FAM3D: variants seen among roughly 807,000 people sequenced by gnomAD.
The protein encoded by FAM3D is protein FAM3D.
FAM3D carries 26 observed loss-of-function variants against 29.8 expected under a neutral mutation model. That is an observed-to-expected ratio of 0.87 (90% CI 0.64 to 1.21). FAM3D has a LOEUF of 1.21. Among genes scored for constraint, FAM3D ranks in the 50% most tolerant of loss-of-function variants. The pLI is 0.00. For missense variants in FAM3D, 253 were observed against 290.9 expected, an observed-to-expected ratio of 0.87 and a Z score of 0.95; for synonymous variants, 115 against 102.3, an observed-to-expected ratio of 1.12 and a Z score of -0.75.
At chr3:58,640,241 G>T in intron 6 of FAM3D, 64 bp from the exon 7 acceptor site, 2 of 1,556,834 alleles carry the variant, frequency 1.3e-6, no homozygotes, top group South Asian at 2.2e-5. Context: ...TCGTTCTGCT[G>T]AAAATGCCTA....
In FAM3D at chr3:58,634,768, G is replaced by A. The variant is rs2066114677; in HGVS notation, c.586-400C>T. On this transcript the variant is annotated intron_variant, in intron 9 of 9. Transcript: ENST00000358781. The surrounding 1 kb of genome is among the most constrained non-coding windows in gnomAD (Gnocchi z 4.6). ...ATTTAATCTGCACAGTGGCCCTAGG[G>A]AGTGTGCACTGTTTACATCCCATTC... 6.6e-6 allele frequency among the ~76,000 whole-genome samples: 1 copy of A among 152,180 alleles called. No homozygotes were observed. The highest frequency in any genetic ancestry group is 2.1e-4 in the South Asian group (1 of 4,832).
intron 7 of FAM3D, among the ~76,000 whole-genome samples, chr3:58,638,076 G>T (rs550484618): frequency 6.6e-6 from 1 of 152,082 alleles, no homozygotes; most frequent in Non-Finnish European, 1.5e-5. Context: ...TAGAATTGGA[G>T]TTTCTCCATG....
At position 58,634,320 on chromosome 3, in the gene FAM3D, G is replaced by T. The variant is rs1341454808; in HGVS notation, c.634C>A (p.Leu212Met). ...DTNKYEGWPE[L>M]LEMEGCMPPK... ...GGCATGCAGCCCTCCATCTCCAGCA[G>T]CTCTGGCCATCCCTCGTATTTGTTT... Residue 212 changes from leucine (L) to methionine (M), a missense_variant, in exon 10 of 10, where the codon CTG becomes ATG. By Grantham distance (15) the Leu-to-Met change is conservative. Transcript: ENST00000358781. This position sits in a 1 kb window ranked among gnomAD's most constrained non-coding sequence, Gnocchi z 4.6. 6.2e-7 allele frequency: 1 copy of T among 1,614,082 alleles called. No homozygotes were observed. The highest frequency in any genetic ancestry group is 2.2e-5 in the East Asian group (1 of 44,882).
chr3:58,653,549 C>T (rs955487113), intron 3 of FAM3D, 125 bp downstream of exon 3: 1 of 911,840 alleles, frequency 1.1e-6, no homozygotes, highest in African/African-American at 1.6e-5. Flanking sequence ...CCTGCAATTG[C>T]TGGGGTCCCA....
rs933265518 is a variant in FAM3D at position 58,641,369 on chromosome 3, C to G, written c.323-1192G>C. 5.1e-4 allele frequency among the ~76,000 whole-genome samples: 74 copies of G among 144,880 alleles called. 1 individual carries two copies. The highest frequency in any genetic ancestry group is 1.7e-3 in the African/African-American group (68 of 39,634). On this transcript the variant is annotated intron_variant, in intron 6 of 9. Coordinates refer to ENST00000358781, the MANE Select transcript of FAM3D (RefSeq NM_138805.3). ...TGACCTTGGGCAAGTTGCTTAACCT[C>G]TTTTTTTTTTTTGGACAGGGTCTCT...
chr3:58,657,126 C>T (rs573613784), intron 1 of FAM3D, among the ~76,000 whole-genome samples: 110 of 152,176 alleles, frequency 7.2e-4, no homozygotes, highest in South Asian at 1.7e-3. Context: ...ATTATGATCA[C>T]GACTACGCTT....
At chr3:58,655,668 AG>A in intron 1 of FAM3D, 67 bp from the exon 2 acceptor site, 1 of 1,305,582 alleles carries the variant, frequency 7.7e-7, no homozygotes, top group Non-Finnish European at 1.1e-6. Context: ...CCTGAAGATG[AG>A]GGAAAGGGAC....
At chr3:58,645,666 A>T in intron 4 of FAM3D, 40 bp from the exon 5 acceptor site, 10 of 1,555,914 alleles carry the variant, frequency 6.4e-6, no homozygotes, top group Non-Finnish European at 8.9e-6. Context: ...GCAGAAGCTC[A>T]GGAGGTACTT....
chr3:58,641,392 T>A (rs2106756802), intron 6 of FAM3D, among the ~76,000 whole-genome samples: 1 of 151,838 alleles, frequency 6.6e-6, no homozygotes, highest in South Asian at 2.1e-4. Context: ...GGACAGGGTC[T>A]CTCTGCAGTC....
At chr3:58,636,222 G>T in intron 9 of FAM3D, 72 bp downstream of exon 9, 3 of 1,561,856 alleles carry the variant, frequency 1.9e-6, no homozygotes, top group Non-Finnish European at 2.6e-6. Flanking sequence ...GAGGTGAATG[G>T]GTGACTCCTT....
At chr3:58,660,285 C>T (rs1575493628) in intron 1 of FAM3D, among the ~76,000 whole-genome samples, 1 of 152,200 alleles carries the variant, frequency 6.6e-6, no homozygotes, top group East Asian at 1.9e-4. Context: ...TGCCCTGAAG[C>T]AGGGGGTGTG....
intron 3 of FAM3D, among the ~76,000 whole-genome samples, chr3:58,651,231 T>C (rs1279050780): frequency 6.6e-6 from 1 of 152,234 alleles, no homozygotes; most frequent in Non-Finnish European, 1.5e-5. Flanking sequence ...AAACCAATTA[T>C]ATATCAATAT....
chr3:58,640,036 C>G (rs1031384552), intron 7 of FAM3D, 91 bp downstream of exon 7: 1 of 1,420,184 alleles, frequency 7.0e-7, no homozygotes, highest in East Asian at 2.3e-5. Context: ...CACCAGGTAC[C>G]TCGAGCCACC....
Position 58,634,903 on chromosome 3 carries a change from C to T in FAM3D, c.586-535G>A, listed in dbSNP as rs147162137. 6.6e-6 allele frequency among the ~76,000 whole-genome samples: 1 copy of T among 152,194 alleles called. No homozygotes were observed. The highest frequency in any genetic ancestry group is 1.9e-4 in the East Asian group (1 of 5,170). Reference sequence around the variant, plus strand: ...AATACTAATAATAAGGGGTGGGGTGCAGTGGCTCACACCTATCATCCCAGC... The same window carrying T: ...AATACTAATAATAAGGGGTGGGGTGTAGTGGCTCACACCTATCATCCCAGC... On this transcript the variant is annotated intron_variant, in intron 9 of 9. Transcript: ENST00000358781. The surrounding 1 kb of genome is among the most constrained non-coding windows in gnomAD (Gnocchi z 4.6).
chr3:58,653,663 G>T lies in FAM3D; in HGVS notation c.121+11C>A. On this transcript the variant is annotated intron_variant, in intron 3 of 9. Coordinates refer to ENST00000358781, the MANE Select transcript of FAM3D (RefSeq NM_138805.3). ...CTGCAGTTCCTGCCCCCAGCAGTGA[G>T]CCCCACTCACCCAGCCAGCGTGGCA... 6.2e-7 allele frequency: 1 copy of T among 1,612,084 alleles called. No homozygotes were observed.
intron 4 of FAM3D, among the ~76,000 whole-genome samples, 166 bp from the exon 5 acceptor site, chr3:58,645,792 T>C (rs2066461812): frequency 6.6e-6 from 1 of 152,232 alleles, no homozygotes; most frequent in Non-Finnish European, 1.5e-5. Context: ...TGTGCCCTTC[T>C]GGGCTCCACA....
intron 7 of FAM3D, among the ~76,000 whole-genome samples, chr3:58,637,604 G>A (rs1020540467): frequency 1.3e-5 from 2 of 152,240 alleles, no homozygotes; most frequent in South Asian, 2.1e-4. Context: ...GCATACCCCA[G>A]ACCCCATTCT....
intron 1 of FAM3D, among the ~76,000 whole-genome samples, chr3:58,657,188 A>G (rs1238271784): frequency 6.6e-6 from 1 of 152,136 alleles, no homozygotes; most frequent in Non-Finnish European, 1.5e-5. Context: ...GACTCAAAAG[A>G]CACTCGGAGG....
chr3:58,644,071 G>A (rs1377030356), intron 5 of FAM3D, among the ~76,000 whole-genome samples: 2 of 152,200 alleles, frequency 1.3e-5, no homozygotes, highest in Non-Finnish European at 2.9e-5. Flanking sequence ...GGGTGTCTGA[G>A]TCCCCATGTG....
Sources: gnomAD v4.1 joint callset for allele counts (sites outside exome capture counted in the v4.1 genomes callset) on GRCh38, gnomAD v4.1.1 for gene constraint, Gnocchi (gnomAD v3.1) non-coding constraint, MANE v1.5 for transcripts, NCBI Gene and HGNC (gene_info 2026-07-23, HGNC 2026-07-21) for gene names.